NOMO1: variants seen among roughly 807,000 people sequenced by gnomAD.
The protein encoded by NOMO1 is nodal modulator 3.
A neutral mutation model predicts 133.8 loss-of-function variants in NOMO1; 40 were observed. That is an observed-to-expected ratio of 0.30 (90% CI 0.23 to 0.39). NOMO1 has a LOEUF of 0.39. Ranked by LOEUF, NOMO1 falls within the 10% of genes least tolerant of loss-of-function variation. NOMO1 has a pLI of 1.00. For synonymous variants in NOMO1, 236 were observed against 570.5 expected (o/e 0.41, Z 8.36); for missense variants, 462 against 1,419.9 (o/e 0.33, Z 10.84).
intron 2 of NOMO1, 117 bp downstream of exon 2, chr16:14,838,613 T>G: frequency 1.0e-6 from 1 of 960,104 alleles, no homozygotes. Flanking sequence ...AAATTATTAG[T>G]GGAATATGAT....
At chr16:14,874,297 C>T (rs1254479445) in intron 18 of NOMO1, among the ~76,000 whole-genome samples, 1 of 151,870 alleles carries the variant, frequency 6.6e-6, no homozygotes, top group African/African-American at 2.4e-5. Context: ...TTGGACCTCT[C>T]TGTTGGATAT....
intron 26 of NOMO1, among the ~76,000 whole-genome samples, chr16:14,883,459 G>T (rs1250321781): frequency 4.6e-5 from 7 of 150,950 alleles, no homozygotes; most frequent in African/African-American, 1.7e-4. Context: ...ACCTCAGCCT[G>T]TAGCTGGGAC....
At chr16:14,860,239 G>A (rs1355531266) in intron 11 of NOMO1, among the ~76,000 whole-genome samples, 2 of 151,734 alleles carry the variant, frequency 1.3e-5, no homozygotes, top group African/African-American at 4.9e-5. Flanking sequence ...ATGGTGATGC[G>A]CGCCTATAAT....
At chr16:14,873,493 G>A (rs1420960808) in intron 18 of NOMO1, among the ~76,000 whole-genome samples, 2 of 145,172 alleles carry the variant, frequency 1.4e-5, no homozygotes, top group African/African-American at 2.5e-5. Context: ...GGGTTAGGGC[G>A]GGAGAAATGT....
chr16:14,846,697 T>A lies in NOMO1; in HGVS notation c.509+14T>A. On this transcript the variant is annotated intron_variant, in intron 5 of 30. Transcript: ENST00000287667. ...GCCTGGCGGAAAGTGAGTAGCGTCC[T>A]GTCTCTTAGTGTTGCCTTAGAGCCG... is the stretch of plus-strand genomic sequence containing the variant. 1.0e-6 allele frequency: 1 copy of A among 996,734 alleles called. No homozygotes were observed. The highest frequency in any genetic ancestry group is 1.6e-5 in the South Asian group (1 of 63,994). 61.7% of individuals were successfully genotyped at this position (996,734 alleles called of 1,614,324 possible).
chr16:14,856,277 A>G (rs1422869937), intron 9 of NOMO1, among the ~76,000 whole-genome samples: 1 of 152,064 alleles, frequency 6.6e-6, no homozygotes, highest in East Asian at 1.9e-4. Context: ...GGGGATACAC[A>G]GATCAGGGCT....
At position 14,889,541 on chromosome 16, in the gene NOMO1, A is replaced by C. The variant is rs151327664; in HGVS notation, c.3444+326A>C. Among the ~76,000 whole-genome samples, 176 of 149,724 alleles carry C rather than the reference A, an allele frequency of 1.2e-3. 2 individuals carry two copies. The highest frequency in any genetic ancestry group is 5.1e-3 in the East Asian group (26 of 5,136). ...AGTGAGACCCTTTCTCCAGAAGAAA[A>C]AAAACAAAACAAAACAAAACCAAAC... On this transcript the variant is annotated intron_variant, in intron 29 of 30. Coordinates refer to ENST00000287667, the MANE Select transcript of NOMO1 (RefSeq NM_014287.4).
Position 14,864,741 on chromosome 16 carries a change from G to T in NOMO1, c.1537+15G>T, listed in dbSNP as rs1432663580. On this transcript the variant is annotated intron_variant, in intron 13 of 30. Coordinates refer to ENST00000287667, the MANE Select transcript of NOMO1 (RefSeq NM_014287.4). ...CTCTTGTTTGGGTAAGATATCACTG[G>T]AAAGTAAGAACACATAGTTTCAAAG... 7 of 1,613,562 alleles carry T rather than the reference G, an allele frequency of 4.3e-6. No homozygotes were observed. The highest frequency in any genetic ancestry group is 8.5e-7 in the Non-Finnish European group (1 of 1,179,738).
intron 29 of NOMO1, among the ~76,000 whole-genome samples, chr16:14,894,324 C>A (rs1397983671): frequency 6.6e-6 from 1 of 152,276 alleles, no homozygotes; most frequent in East Asian, 1.9e-4. Flanking sequence ...CACACCACTT[C>A]CCTAGGGTCC....
At chr16:14,845,925 C>T (rs1267248519) in intron 4 of NOMO1, among the ~76,000 whole-genome samples, 3 of 151,644 alleles carry the variant, frequency 2.0e-5, no homozygotes, top group Admixed American at 6.6e-5. Flanking sequence ...CTCCTGGGTT[C>T]GAGCAATTCT....
At position 14,857,569 on chromosome 16, in the gene NOMO1, T is replaced by C; in HGVS notation, c.1134T>C (p.His378=). 1 of 1,612,222 alleles carries C rather than the reference T, an allele frequency of 6.2e-7. No homozygotes were observed. The highest frequency in any genetic ancestry group is 8.5e-7 in the Non-Finnish European group (1 of 1,179,370). The part of the protein sequence containing the change: ...ENITTGTYTI[H]AQKEHLYFET... ...TAACCACAGGGACATACACCATCCA[T>C]GCTCAGAAAGAGCACCTCTACTTTG... Residue 378 remains histidine, a synonymous_variant, in exon 11 of 31, where the codon CAT becomes CAC. Coordinates refer to ENST00000287667, the MANE Select transcript of NOMO1 (RefSeq NM_014287.4).
chr16:14,838,552 G>T, intron 2 of NOMO1, 56 bp downstream of exon 2: 3 of 1,611,744 alleles, frequency 1.9e-6, no homozygotes, highest in East Asian at 2.2e-5. Flanking sequence ...GCCTCACCAG[G>T]CTGCATTAAC....
At chr16:14,834,713 G>T (rs1275729391) in intron 1 of NOMO1, among the ~76,000 whole-genome samples, 1 of 143,574 alleles carries the variant, frequency 7.0e-6, no homozygotes, top group Non-Finnish European at 1.5e-5. Context: ...TTTAAATTAA[G>T]TTGTAAAGTC....
intron 16 of NOMO1, among the ~76,000 whole-genome samples, chr16:14,870,984 T>C (rs1300882967): frequency 2.7e-5 from 4 of 148,876 alleles, no homozygotes; most frequent in African/African-American, 9.9e-5. Flanking sequence ...TTGAGTGCAA[T>C]GAAAACAGCA....
chr16:14,835,890 C>G (rs1047532608), intron 1 of NOMO1, among the ~76,000 whole-genome samples: 2 of 151,922 alleles, frequency 1.3e-5, no homozygotes, highest in African/African-American at 4.8e-5. Flanking sequence ...TGAGCCCTGG[C>G]ACATACTGAA....
At chr16:14,845,680 C>G (rs1305862992) in intron 4 of NOMO1, among the ~76,000 whole-genome samples, 3 of 151,922 alleles carry the variant, frequency 2.0e-5, no homozygotes, top group Non-Finnish European at 4.4e-5. Flanking sequence ...TCATGATGGA[C>G]TTCTTTCTCC....
chr16:14,878,920 A>G (rs1964201908), intron 23 of NOMO1, 86 bp downstream of exon 23: 3 of 1,577,828 alleles, frequency 1.9e-6, no homozygotes, highest in African/African-American at 2.7e-5. Flanking sequence ...GTTGCTTGAC[A>G]ACGTGAGAAG....
chr16:14,881,490 G>T (rs1260165162), intron 24 of NOMO1, 54 bp from the exon 25 acceptor site: 1 of 1,603,238 alleles, frequency 6.2e-7, no homozygotes, highest in African/African-American at 1.3e-5. Flanking sequence ...AAACACTTGG[G>T]TCCTTCAGAT....
At chr16:14,846,516 G>A in intron 4 of NOMO1, 61 bp from the exon 5 acceptor site, 2 of 598,418 alleles carry the variant, frequency 3.3e-6, no homozygotes, top group Non-Finnish European at 5.9e-6. Context: ...AAGCAGGACT[G>A]CCAGTGCTTT....
Sources: allele counts gnomAD v4.1 joint callset (sites outside exome capture counted in the v4.1 genomes callset), GRCh38; gene constraint gnomAD v4.1.1; transcripts MANE v1.5; gene names NCBI Gene and HGNC (gene_info 2026-07-23, HGNC 2026-07-21).